WWOX: variants seen among roughly 807,000 people sequenced by gnomAD.
WWOX encodes the protein WW domain-containing oxidoreductase.
In WWOX, 69 loss-of-function variants were observed where a neutral mutation model predicts 46.2. The observed-to-expected ratio is 1.49, with a 90% CI of 1.23 to 1.82. The LOEUF is 1.82. Ranked by LOEUF, WWOX falls within the 40% of genes most tolerant of loss-of-function variation. WWOX has a pLI of 0.00. For synonymous variants in WWOX, 359 were observed against 202.6 expected, an observed-to-expected ratio of 1.77 and a Z score of -6.56; for missense variants, 919 against 542.6, an observed-to-expected ratio of 1.69 and a Z score of -6.89.
intron 5 of WWOX, among the ~76,000 whole-genome samples, chr16:78,242,820 C>A (rs2037698598): frequency 1.3e-5 from 2 of 152,106 alleles, no homozygotes; most frequent in African/African-American, 4.8e-5. Flanking sequence ...CCAGCCTGGC[C>A]AACATGGTGA....
intron 8 of WWOX, among the ~76,000 whole-genome samples, chr16:78,823,404 G>C (rs924992104): frequency 6.6e-6 from 1 of 152,170 alleles, no homozygotes; most frequent in Admixed American, 6.5e-5. Flanking sequence ...ATAAGAGGCA[G>C]GTGCTTCCTA....
intron 6 of WWOX, among the ~76,000 whole-genome samples, chr16:78,412,657 G>A (rs1045345499): frequency 6.6e-6 from 1 of 152,158 alleles, no homozygotes; most frequent in Non-Finnish European, 1.5e-5. Context: ...GGAGGAGCAG[G>A]ATCCTCTGCA....
chr16:78,542,189 A>G (rs372466873), intron 8 of WWOX, among the ~76,000 whole-genome samples: 1 of 152,078 alleles, frequency 6.6e-6, no homozygotes, highest in Non-Finnish European at 1.5e-5. Flanking sequence ...GAAATTGTTC[A>G]TCAGGTGTAT....
intron 8 of WWOX, among the ~76,000 whole-genome samples, chr16:78,985,766 C>G (rs1381978660): frequency 1.7e-5 from 1 of 59,850 alleles, no homozygotes; most frequent in African/African-American, 3.3e-5. Context: ...GAGACTCCAT[C>G]TGAAAAAGAA....
At chr16:78,831,342 G>C (rs1054030599) in intron 8 of WWOX, among the ~76,000 whole-genome samples, 3 of 152,280 alleles carry the variant, frequency 2.0e-5, no homozygotes, top group African/African-American at 2.4e-5. Flanking sequence ...CAGCCTCCAA[G>C]ATGTATCCTA....
chr16:78,237,482 C>T (rs887130695), intron 5 of WWOX: 3 of 152,140 alleles, frequency 2.0e-5, no homozygotes, highest in African/African-American at 7.2e-5. Flanking sequence ...AGCCAGGCTC[C>T]TATCCCTCTG....
At chr16:78,291,426 C>G in intron 5 of WWOX, among the ~76,000 whole-genome samples, 1 of 152,106 alleles carries the variant, frequency 6.6e-6, no homozygotes. Flanking sequence ...GAACGTTTGC[C>G]CGCGAAGGCC....
intron 8 of WWOX, among the ~76,000 whole-genome samples, chr16:78,857,082 A>G (rs2052583938): frequency 1.3e-5 from 2 of 152,244 alleles, no homozygotes; most frequent in Admixed American, 1.3e-4. Flanking sequence ...TCACCATTGC[A>G]TATGTGGTTC....
intron 8 of WWOX, among the ~76,000 whole-genome samples, chr16:79,117,074 C>A (rs2049531358): frequency 6.6e-6 from 1 of 152,034 alleles, no homozygotes; most frequent in Non-Finnish European, 1.5e-5. Context: ...TGTTTTGAGA[C>A]AGCCTGGTCT....
intron 8 of WWOX, among the ~76,000 whole-genome samples, chr16:79,194,415 A>T (rs1195523056): frequency 6.6e-6 from 1 of 152,156 alleles, no homozygotes; most frequent in Non-Finnish European, 1.5e-5. Context: ...AACAGCACAC[A>T]CCCAACTATG....
At chr16:78,796,827 C>CTTTT (rs530486192) in intron 8 of WWOX, among the ~76,000 whole-genome samples, 6 of 133,110 alleles carry the variant, frequency 4.5e-5, no homozygotes, top group South Asian at 2.4e-4. Context: ...TTATCTTCTT[C>CTTTT]TTTTTTTTTT....
chr16:78,398,635 T>G (rs1323229857), intron 6 of WWOX, among the ~76,000 whole-genome samples: 1 of 152,234 alleles, frequency 6.6e-6, no homozygotes, highest in East Asian at 1.9e-4. Flanking sequence ...TTCATTAAAC[T>G]GAGCTCCAGA....
intron 8 of WWOX, among the ~76,000 whole-genome samples, chr16:78,829,871 T>C (rs2051768222): frequency 6.6e-6 from 1 of 152,204 alleles, no homozygotes; most frequent in South Asian, 2.1e-4. Flanking sequence ...TGAGAAAAGC[T>C]GTTGAGCACC....
chr16:78,995,781 A>G (rs2046977646), intron 8 of WWOX, among the ~76,000 whole-genome samples: 1 of 152,192 alleles, frequency 6.6e-6, no homozygotes, highest in African/African-American at 2.4e-5. Flanking sequence ...ACTGTCTTTT[A>G]TATGCAAATT....
At chr16:78,170,088 T>C (rs2035105894) in intron 5 of WWOX, among the ~76,000 whole-genome samples, 1 of 152,110 alleles carries the variant, frequency 6.6e-6, no homozygotes, top group Non-Finnish European at 1.5e-5. Context: ...CTTGAGTCTA[T>C]TACCCTCTCA....
chr16:79,175,943 G>C (rs1031201790), intron 8 of WWOX, among the ~76,000 whole-genome samples: 3 of 152,042 alleles, frequency 2.0e-5, no homozygotes, highest in Non-Finnish European at 1.5e-5. Context: ...TTCCATTCCT[G>C]CCTCCACCCT....
intron 8 of WWOX, among the ~76,000 whole-genome samples, chr16:78,559,786 A>C (rs1414359568): frequency 6.6e-6 from 1 of 152,224 alleles, no homozygotes; most frequent in Non-Finnish European, 1.5e-5. Context: ...AGAAATGGAC[A>C]GGACAATTCT....
chr16:79,149,533 T>C (rs571503892), intron 8 of WWOX, among the ~76,000 whole-genome samples: 1 of 152,232 alleles, frequency 6.6e-6, no homozygotes. Flanking sequence ...GGTTCCATTT[T>C]TGTGGTTAGG....
intron 8 of WWOX, among the ~76,000 whole-genome samples, chr16:78,443,465 G>A (rs2083490597): frequency 6.6e-6 from 1 of 152,126 alleles, no homozygotes; most frequent in African/African-American, 2.4e-5. Context: ...TAGCTTGGAG[G>A]AAACATTGGC....
Sources: gnomAD v4.1 joint callset for allele counts (sites outside exome capture counted in the v4.1 genomes callset) on GRCh38, gnomAD v4.1.1 for gene constraint, MANE v1.5 for transcripts, NCBI Gene and HGNC (gene_info 2026-07-23, HGNC 2026-07-21) for gene names.